The following PLA2G5 variants were observed in gnomAD, a reference collection of about 807,000 sequenced individuals.
PLA2G5 encodes the protein phospholipase A2 group V.
A neutral mutation model predicts 15.9 loss-of-function variants in PLA2G5; 12 were observed. The ratio of observed to expected loss-of-function variants is 0.76; its 90% confidence interval spans 0.48 to 1.23. The LOEUF (loss-of-function observed/expected upper bound fraction) is 1.23, where lower values mean the gene tolerates loss of function less well. Ranked by LOEUF, PLA2G5 falls within the 50% of genes most tolerant of loss-of-function variation. The pLI is 0.00. For synonymous variants in PLA2G5, 71 were observed against 71.4 expected (o/e 0.99, Z 0.03); for missense variants, 169 against 177.1 (o/e 0.95, Z 0.26).
At chr1:20,045,747 C>T (rs1569666588) in intron 1 of PLA2G5, among the ~76,000 whole-genome samples, 1 of 152,188 alleles carries the variant, frequency 6.6e-6, no homozygotes, top group South Asian at 2.1e-4. Context: ...ATTGATCTCC[C>T]AGTGGAGGCT....
upstream of PLA2G5, among the ~76,000 whole-genome samples, chr1:20,069,256 A>C (rs1207817699): frequency 6.6e-6 from 1 of 151,334 alleles, no homozygotes; most frequent in Non-Finnish European, 1.5e-5. Context: ...TGACCTATGC[A>C]ATATGCTTAC....
At chr1:20,048,768 T>A (rs1331563183) in intron 1 of PLA2G5, among the ~76,000 whole-genome samples, 1 of 152,222 alleles carries the variant, frequency 6.6e-6, no homozygotes, top group African/African-American at 2.4e-5. Flanking sequence ...GTTTAAATGA[T>A]GACTATGACA....
At chr1:20,038,682 GGGA>G (rs1171272962) in intron 1 of PLA2G5, among the ~76,000 whole-genome samples, 3 of 152,188 alleles carry the variant, frequency 2.0e-5, no homozygotes, top group African/African-American at 7.2e-5. Context: ...AGGAGACTGA[GGGA>G]GGAGGATCAC....
At chr1:20,075,963 C>G (rs2015649803) in intron 1 of PLA2G5, among the ~76,000 whole-genome samples, 1 of 149,908 alleles carries the variant, frequency 6.7e-6, no homozygotes, top group African/African-American at 2.5e-5. Context: ...CCCCCGCCTT[C>G]CGGGTTCAAG....
intron 4 of PLA2G5, 98 bp from the exon 5 acceptor site, chr1:20,090,470 A>G (rs1439559803): frequency 7.3e-6 from 9 of 1,228,620 alleles, no homozygotes; most frequent in Non-Finnish European, 9.6e-6. Context: ...CTCTTCCATC[A>G]GGCTGAAAGC....
At chr1:20,032,813 C>A (rs2013035593) in intron 1 of PLA2G5, among the ~76,000 whole-genome samples, 1 of 152,084 alleles carries the variant, frequency 6.6e-6, no homozygotes, top group Admixed American at 6.6e-5. Context: ...GAAAAATGGG[C>A]AGTAATGATG....
intron 1 of PLA2G5, among the ~76,000 whole-genome samples, chr1:20,083,730 G>T (rs1389595384): frequency 2.0e-5 from 3 of 151,840 alleles, no homozygotes; most frequent in African/African-American, 7.3e-5. Flanking sequence ...CCTCTGGGAA[G>T]GGAGGCTGCG....
intron 1 of PLA2G5, among the ~76,000 whole-genome samples, chr1:20,052,847 T>C (rs2014243536): frequency 6.6e-6 from 1 of 152,132 alleles, no homozygotes; most frequent in Non-Finnish European, 1.5e-5. Context: ...CCCACTAAGA[T>C]AAATGCATAT....
intron 1 of PLA2G5, among the ~76,000 whole-genome samples, chr1:20,039,877 T>C (rs1378468976): frequency 6.6e-6 from 1 of 152,234 alleles, no homozygotes; most frequent in Admixed American, 6.5e-5. Flanking sequence ...TGTAACCGTC[T>C]GTAATATATC....
intron 1 of PLA2G5, among the ~76,000 whole-genome samples, chr1:20,055,651 T>C (rs72661072): frequency 0.34 from 51,740 of 152,062 alleles, 10,304 homozygotes; most frequent in Non-Finnish European, 0.45. Context: ...TCCCTGTAGA[T>C]CCAACTTGTC....
intron 1 of PLA2G5, among the ~76,000 whole-genome samples, chr1:20,072,298 G>A (rs1233371722): frequency 2.6e-5 from 4 of 152,170 alleles, no homozygotes; most frequent in Non-Finnish European, 5.9e-5. Context: ...TGCAAGCTCT[G>A]CCATGAGGGT....
At chr1:20,069,011 A>T, upstream of PLA2G5, 1 of 1,094,136 alleles carries the variant, frequency 9.1e-7, no homozygotes, top group Non-Finnish European at 1.2e-6. Flanking sequence ...TTCGTTGAAG[A>T]AGAAATCCAA....
At chr1:20,080,788 G>A (rs1213461953) in intron 1 of PLA2G5, among the ~76,000 whole-genome samples, 2 of 151,838 alleles carry the variant, frequency 1.3e-5, no homozygotes, top group African/African-American at 4.9e-5. Context: ...TGAGGACGGA[G>A]AAAAGGTCTC....
chr1:20,079,113 C>G (rs77194222), intron 1 of PLA2G5, among the ~76,000 whole-genome samples: 1 of 103,066 alleles, frequency 9.7e-6, no homozygotes, highest in Non-Finnish European at 2.0e-5. Context: ...GACCCTGTCT[C>G]AAAAAAAAAA....
At chr1:20,029,044 G>C (rs1439173631) in intron 1 of PLA2G5, among the ~76,000 whole-genome samples, 1 of 152,184 alleles carries the variant, frequency 6.6e-6, no homozygotes, top group African/African-American at 2.4e-5. Flanking sequence ...GTGTTAACCA[G>C]CTCAATTAGA....
intron 3 of PLA2G5, among the ~76,000 whole-genome samples, chr1:20,086,797 T>A (rs745643904): frequency 2.6e-5 from 4 of 152,166 alleles, no homozygotes; most frequent in Non-Finnish European, 5.9e-5. Context: ...GTCAAAGCAG[T>A]CACAAAGGCT....
At position 20,084,807 on chromosome 1, in the gene PLA2G5, G is replaced by GTT. The variant is rs2020883; in HGVS notation, c.-10-6_-10-5dup. 10 of 1,493,602 alleles carry GTT rather than the reference G, an allele frequency of 6.7e-6. No homozygotes were observed. The highest frequency in any genetic ancestry group is 9.3e-6 in the Non-Finnish European group (10 of 1,078,226). The allele number at this position is 1,493,602 out of a possible 1,614,324, so 92.5% of individuals were successfully genotyped here. A position where few individuals can be genotyped will look rare whatever the true frequency, so the allele number is the denominator to read the frequency against. ...GCCTGATAGATCTGTTGTGGGATGT[G>GTT]TTTTTTTTTCCAGAACCCCAGAGAT... On this transcript the variant is annotated splice_polypyrimidine_tract_variant and intron_variant, in intron 1 of 4. Coordinates refer to ENST00000375108, the MANE Select transcript of PLA2G5 (RefSeq NM_000929.3).
intron 1 of PLA2G5, among the ~76,000 whole-genome samples, chr1:20,081,236 TC>T (rs1293782617): frequency 6.6e-6 from 1 of 151,592 alleles, no homozygotes; most frequent in Non-Finnish European, 1.5e-5. Flanking sequence ...GTCCACATCC[TC>T]CTCCTGGCGC....
chr1:20,045,151 G>A (rs917583563), intron 1 of PLA2G5, among the ~76,000 whole-genome samples: 9 of 152,290 alleles, frequency 5.9e-5, no homozygotes, highest in African/African-American at 1.9e-4. Context: ...TTAGGTTTTA[G>A]GTCAGGTGTG....
Sources: allele counts gnomAD v4.1 joint callset (sites outside exome capture counted in the v4.1 genomes callset), GRCh38; gene constraint gnomAD v4.1.1; transcripts MANE v1.5; gene names NCBI Gene and HGNC (gene_info 2026-07-23, HGNC 2026-07-21).